Variants in PRKN observed in about 807,000 individuals in gnomAD.
The protein encoded by PRKN is E3 ubiquitin-protein ligase parkin.
A neutral mutation model predicts 59.5 loss-of-function variants in PRKN; 56 were observed. That is an observed-to-expected ratio of 0.94 (90% CI 0.76 to 1.18). The LOEUF is 1.18. PRKN is among the 50% of genes most tolerant of loss of function. The pLI, the probability that PRKN is intolerant of heterozygous loss-of-function variation, is 0.00. For missense variants in PRKN, 657 were observed against 596.4 expected, an observed-to-expected ratio of 1.10 and a Z score of -1.06; for synonymous variants, 250 against 222.1, an observed-to-expected ratio of 1.13 and a Z score of -1.12.
intron 7 of PRKN, among the ~76,000 whole-genome samples, chr6:161,744,222 C>T (rs375859155): frequency 8.0e-5 from 12 of 150,790 alleles, no homozygotes; most frequent in Admixed American, 6.6e-4. Context: ...TAATGCTCCT[C>T]AAATTGGGAA....
At chr6:162,328,967 G>A (rs1477328338) in intron 2 of PRKN, among the ~76,000 whole-genome samples, 1 of 152,108 alleles carries the variant, frequency 6.6e-6, no homozygotes, top group African/African-American at 2.4e-5. Flanking sequence ...CAGGTGTTAG[G>A]ACCAAGAATA....
intron 1 of PRKN, among the ~76,000 whole-genome samples, chr6:162,483,680 T>A (rs1792406946): frequency 6.6e-6 from 1 of 152,180 alleles, no homozygotes; most frequent in African/African-American, 2.4e-5. Flanking sequence ...GGAGGCAGTC[T>A]ACAATGGTAA....
At chr6:162,706,557 C>T (rs140922958) in intron 1 of PRKN, among the ~76,000 whole-genome samples, 1 of 152,316 alleles carries the variant, frequency 6.6e-6, no homozygotes, top group East Asian at 1.9e-4. Flanking sequence ...GCGGCCATGT[C>T]GTCCAAGTGC....
chr6:161,447,062 A>G lies in PRKN; in HGVS notation c.1084-60185T>C, dbSNP rs1231725601. ...TGACTTCTTAATGATCTTTAAGGAAAGAAGTCAATACAAGGAAAATATCCT... is the reference window on the plus strand; with the variant it reads ...TGACTTCTTAATGATCTTTAAGGAAGGAAGTCAATACAAGGAAAATATCCT... On this transcript the variant is annotated intron_variant, in intron 9 of 11. Transcript: ENST00000366898. This position sits in a 1 kb window ranked among gnomAD's most constrained non-coding sequence, Gnocchi z 4.1. Among the ~76,000 whole-genome samples the G allele has an allele frequency of 6.6e-6, 1 of 152,204 alleles. No homozygotes were observed. Among genetic ancestry groups the G allele is most frequent in the African/African-American group, 2.4e-5 (1 of 41,450 alleles).
Position 162,374,483 on chromosome 6 carries a change from AT to A in PRKN, c.171+68826del, listed in dbSNP as rs1345793434. ...GGTCTGGTCGGTTGGAGCCTAGTAC[AT>A]GAGTTTAGTCAAAAGCAATAGCCTC... On this transcript the variant is annotated intron_variant, in intron 2 of 11. Transcript: ENST00000366898. Among the ~76,000 whole-genome samples the A allele has an allele frequency of 5.9e-5, 9 of 151,842 alleles. No individual in the cohort carries two copies. In the East Asian group the frequency reaches 1.7e-3, roughly 29 times the overall value.
intron 4 of PRKN, among the ~76,000 whole-genome samples, chr6:162,160,736 A>T (rs924439497): frequency 2.6e-5 from 4 of 151,938 alleles, no homozygotes; most frequent in African/African-American, 9.7e-5. Context: ...CTGGGACTCA[A>T]GGAACTGTGC....
At position 161,547,777 on chromosome 6, in the gene PRKN, G is replaced by A. The variant is rs1006147424; in HGVS notation, c.1083+1077C>T. On this transcript the variant is annotated intron_variant, in intron 9 of 11. Coordinates refer to ENST00000366898, the MANE Select transcript of PRKN (RefSeq NM_004562.3). The surrounding 1 kb of genome is among the most constrained non-coding windows in gnomAD (Gnocchi z 4.0). Reference sequence around the variant, plus strand: ...CTGATTTCCATCGTCTCCAGGGAGAGTAAACACTTGAGTTTTCATTCTAAT... The same window carrying A: ...CTGATTTCCATCGTCTCCAGGGAGAATAAACACTTGAGTTTTCATTCTAAT... 6.6e-6 allele frequency among the ~76,000 whole-genome samples: 1 copy of A among 152,194 alleles called. No homozygotes were observed. The highest frequency in any genetic ancestry group is 1.5e-5 in the Non-Finnish European group (1 of 68,032).
intron 2 of PRKN, among the ~76,000 whole-genome samples, chr6:162,439,112 C>G (rs1789926449): frequency 1.3e-5 from 2 of 152,088 alleles, no homozygotes; most frequent in South Asian, 4.1e-4. Flanking sequence ...AAATTTCAAA[C>G]AAGAGGCTCT....
chr6:162,329,699 TA>T (rs1254621412), intron 2 of PRKN, among the ~76,000 whole-genome samples: 3 of 152,088 alleles, frequency 2.0e-5, no homozygotes, highest in Non-Finnish European at 4.4e-5. Flanking sequence ...ACAGGATCTC[TA>T]AATTTCAAAG....
At chr6:161,917,148 C>T (rs112992691) in intron 6 of PRKN, among the ~76,000 whole-genome samples, 2,351 of 151,890 alleles carry the variant, frequency 0.015, 63 homozygotes, top group African/African-American at 0.052. Flanking sequence ...CTCTGCTGCT[C>T]AGGCTGGAGT....
At chr6:162,391,378 C>T (rs1312022831) in intron 2 of PRKN, among the ~76,000 whole-genome samples, 1 of 151,356 alleles carries the variant, frequency 6.6e-6, no homozygotes, top group African/African-American at 2.4e-5. Flanking sequence ...TTTCTTACTG[C>T]GCATGCTTGA....
At chr6:161,946,386 T>TCACACACACA (rs368190954) in intron 6 of PRKN, among the ~76,000 whole-genome samples, 4,539 of 112,494 alleles carry the variant, frequency 0.04, 165 homozygotes, top group Middle Eastern at 0.11. Flanking sequence ...TGCATGCACA[T>TCACACACACA]CACACACACA....
chr6:161,542,988 A>G (rs1181199354), intron 9 of PRKN, among the ~76,000 whole-genome samples: 1 of 152,232 alleles, frequency 6.6e-6, no homozygotes, highest in African/African-American at 2.4e-5. Context: ...GGCTTGAATA[A>G]GAAAAGTAAC....
Position 161,483,836 on chromosome 6 carries a change from C to T in PRKN, c.1083+65018G>A, listed in dbSNP as rs554414854. Reference sequence around the variant, plus strand: ...TGTGGTCCATATATATCATGGAATACTATGCAACCATAAAAAGGAACAAGA... The same window carrying T: ...TGTGGTCCATATATATCATGGAATATTATGCAACCATAAAAAGGAACAAGA... On this transcript the variant is annotated intron_variant, in intron 9 of 11. Coordinates refer to ENST00000366898, the MANE Select transcript of PRKN (RefSeq NM_004562.3). The surrounding 1 kb of genome is among the most constrained non-coding windows in gnomAD (Gnocchi z 5.0). Among the ~76,000 whole-genome samples, 1 of 152,310 alleles carries T rather than the reference C, an allele frequency of 6.6e-6. No individual in the cohort carries two copies. The highest frequency in any genetic ancestry group is 2.1e-4 in the South Asian group (1 of 4,828).
At chr6:161,854,579 A>T (rs1346464676) in intron 6 of PRKN, among the ~76,000 whole-genome samples, 1 of 152,158 alleles carries the variant, frequency 6.6e-6, no homozygotes, top group Non-Finnish European at 1.5e-5. Context: ...ATATAACTGC[A>T]CTTACATACA....
At chr6:161,755,549 TG>T (rs919534115) in intron 7 of PRKN, among the ~76,000 whole-genome samples, 1 of 151,946 alleles carries the variant, frequency 6.6e-6, no homozygotes, top group Non-Finnish European at 1.5e-5. Context: ...TTTCATATGT[TG>T]GGGGGAAAAA....
chr6:161,612,781 T>C (rs1782535460), intron 7 of PRKN, among the ~76,000 whole-genome samples: 1 of 149,290 alleles, frequency 6.7e-6, no homozygotes. Flanking sequence ...ATAAATGGAA[T>C]GGCAAAGACA....
chr6:162,323,456 T>C (rs1394834678), intron 2 of PRKN, among the ~76,000 whole-genome samples: 1 of 151,892 alleles, frequency 6.6e-6, no homozygotes, highest in African/African-American at 2.4e-5. Flanking sequence ...AAAGATTTTT[T>C]TAAAAAGCCA....
In PRKN at chr6:162,118,507, T is replaced by C. The variant is rs1490260102; in HGVS notation, c.535-64333A>G. On this transcript the variant is annotated intron_variant, in intron 4 of 11. Coordinates refer to ENST00000366898, the MANE Select transcript of PRKN (RefSeq NM_004562.3). ...ATGCTTCCCCTAGTTTTCAATATTA[T>C]ACATGAATGTATTTGCTTCATTTTT... Among the ~76,000 whole-genome samples the C allele has an allele frequency of 4.6e-5, 7 of 152,228 alleles. No homozygotes were observed. The South Asian group carries it at 1.2e-3, about 27-fold the overall frequency.
Sources: allele counts gnomAD v4.1 joint callset (sites outside exome capture counted in the v4.1 genomes callset), GRCh38; gene constraint gnomAD v4.1.1; non-coding constraint Gnocchi (gnomAD v3.1); transcripts MANE v1.5; gene names NCBI Gene and HGNC (gene_info 2026-07-23, HGNC 2026-07-21).